GRIK1: variants seen among roughly 807,000 people sequenced by gnomAD.
The protein encoded by GRIK1 is glutamate ionotropic receptor kainate type subunit 1, also known as glutamate receptor ionotropic, kainate 1.
In GRIK1, 69 loss-of-function variants were observed where a neutral mutation model predicts 105.7. The ratio of observed to expected loss-of-function variants is 0.65; its 90% CI spans 0.54 to 0.80. The LOEUF (loss-of-function observed/expected upper bound fraction) is 0.80, where lower values mean the gene tolerates loss of function less well. Ranked by LOEUF, GRIK1 falls within the 30% of genes least tolerant of loss-of-function variation. The pLI is 0.00. For missense variants in GRIK1, 1,109 were observed against 1,167.3 expected, an observed-to-expected ratio of 0.95 and a Z score of 0.73; for synonymous variants, 438 against 431.3, an observed-to-expected ratio of 1.02 and a Z score of -0.19.
At chr21:29,914,304 T>C (rs1387314130) in intron 1 of GRIK1, among the ~76,000 whole-genome samples, 4 of 152,050 alleles carry the variant, frequency 2.6e-5, no homozygotes, top group Non-Finnish European at 5.9e-5. Context: ...GGAATTATTC[T>C]AGGGAACACT....
chr21:29,560,356 TTTTTCTTTCTTCCTTCCTTCCTTCCTTC>T (rs2090389040), intron 15 of GRIK1, among the ~76,000 whole-genome samples: 7 of 71,802 alleles, frequency 9.7e-5, no homozygotes, highest in African/African-American at 3.3e-4. Flanking sequence ...TCTTTCTTTC[TTTTTCTTTCTTCCTTCCTTCCTTCCTTC>T]CTTCCTTCCT....
In GRIK1 at chr21:29,749,596, A is replaced by G. The variant is rs1428088484; in HGVS notation, c.119-55533T>C. ...CCTCCTCTTCTGTACCATTTCTGCC[A>G]CATTTGGGTCTTTATCAGCAGGAGA... On this transcript the variant is annotated intron_variant, in intron 1 of 17. Transcript: ENST00000327783. Among the ~76,000 whole-genome samples, 4 of 152,352 alleles carry G rather than the reference A, an allele frequency of 2.6e-5. No individual in the cohort carries two copies. In the East Asian group the frequency reaches 5.8e-4, roughly 22 times the overall value.
intron 3 of GRIK1, among the ~76,000 whole-genome samples, chr21:29,687,321 T>A (rs2063503905): frequency 6.6e-6 from 1 of 152,148 alleles, no homozygotes; most frequent in Non-Finnish European, 1.5e-5. Context: ...AGTCCTTTCT[T>A]TTCCTTTAGG....
rs750053758 is a variant in GRIK1, at chr21:29,587,493, G to A, written c.1666C>T (p.Leu556Phe). 5.0e-6 allele frequency: 8 copies of A among 1,612,826 alleles called. No individual in the cohort carries two copies. Among genetic ancestry groups the A allele is most frequent in the Non-Finnish European group, 1.7e-6 (2 of 1,178,788 alleles). The change falls in exon 12 of 18, where the codon CTC (leucine) becomes TTC (phenylalanine). Residue 556 changes from leucine to phenylalanine, a missense_variant. Transcript: ENST00000327783. ...TTGGTACCATTGGGCTTCCGGTAGAGAATGCTGATGCCTAGGGTCATGAAG... is the reference window on the plus strand; with the variant it reads ...TTGGTACCATTGGGCTTCCGGTAGAAAATGCTGATGCCTAGGGTCATGAAG... ...KPFMTLGISI[L>F]YRKPNGTNPG...
At chr21:29,627,267 T>C (rs781546838) in intron 7 of GRIK1, among the ~76,000 whole-genome samples, 1 of 152,238 alleles carries the variant, frequency 6.6e-6, no homozygotes, top group African/African-American at 2.4e-5. Context: ...GGAAAGTATT[T>C]TACTTACGTT....
At chr21:29,631,175 G>A (rs1314901297) in intron 7 of GRIK1, among the ~76,000 whole-genome samples, 1 of 152,142 alleles carries the variant, frequency 6.6e-6, no homozygotes, top group Non-Finnish European at 1.5e-5. Context: ...ATGCATACAA[G>A]CAGCAGTCCT....
intron 1 of GRIK1, among the ~76,000 whole-genome samples, chr21:29,918,188 G>C (rs1228609017): frequency 6.6e-6 from 1 of 151,938 alleles, no homozygotes; most frequent in Non-Finnish European, 1.5e-5. Flanking sequence ...GAATTACTAA[G>C]AAAATTTTAA....
chr21:29,726,754 A>T (rs1447314407), intron 1 of GRIK1, among the ~76,000 whole-genome samples: 7 of 151,860 alleles, frequency 4.6e-5, no homozygotes, highest in East Asian at 1.9e-4. Flanking sequence ...CATTTAAATT[A>T]TTGTTTACAA....
chr21:29,609,384 T>C (rs117189467), intron 7 of GRIK1, among the ~76,000 whole-genome samples: 1,865 of 152,294 alleles, frequency 0.012, 25 homozygotes, highest in Middle Eastern at 0.044. Context: ...AACCAGGCTA[T>C]AGTTGAATAA....
At position 29,577,073 on chromosome 21, in the gene GRIK1, A is replaced by T; in HGVS notation, c.2021T>A (p.Leu674Ter). 6.2e-7 allele frequency: 1 copy of T among 1,613,006 alleles called. No homozygotes were observed. Among genetic ancestry groups the T allele is most frequent in the Non-Finnish European group, 8.5e-7 (1 of 1,179,040 alleles). ...GGGGGATTCCATTCTCTCTACTGTC[A>T]AGAAGGCAGCCAGATTGGCCGTGTA... ...SSYTANLAAF[L>*]TVERMESPID... The change falls in exon 14 of 18, where the codon TTG becomes TAG. Residue 674 changes from leucine to a stop codon, truncating the protein, a stop_gained. Transcript: ENST00000327783. LOFTEE classifies it high-confidence loss of function.
intron 8 of GRIK1, among the ~76,000 whole-genome samples, chr21:29,597,900 C>T (rs758516744): frequency 6.1e-4 from 93 of 151,966 alleles, no homozygotes; most frequent in Non-Finnish European, 1.1e-3. Flanking sequence ...GAAATGAAAA[C>T]CTTACCTCAT....
chr21:29,634,741 A>G (rs771454443), intron 7 of GRIK1, among the ~76,000 whole-genome samples: 8 of 152,170 alleles, frequency 5.3e-5, no homozygotes, highest in Non-Finnish European at 8.8e-5. Context: ...AGAAATTCTA[A>G]GAGTTGGTCT....
chr21:29,560,519 CCTTTCTTT>C (rs1201508832), intron 15 of GRIK1, among the ~76,000 whole-genome samples: 22 of 57,814 alleles, frequency 3.8e-4, no homozygotes, highest in Non-Finnish European at 6.4e-4. Flanking sequence ...TTCCTTCCTT[CCTTTCTTT>C]CTTTCTTTCT....
intron 12 of GRIK1, among the ~76,000 whole-genome samples, chr21:29,584,701 A>G (rs890674997): frequency 7.2e-5 from 11 of 152,194 alleles, no homozygotes; most frequent in African/African-American, 1.7e-4. Context: ...CACAACATAA[A>G]TTCCAAAGTC....
intron 16 of GRIK1, among the ~76,000 whole-genome samples, chr21:29,550,239 T>C (rs1272323193): frequency 6.6e-6 from 1 of 152,096 alleles, no homozygotes; most frequent in Non-Finnish European, 1.5e-5. Flanking sequence ...CTCTATAGTT[T>C]TAAAACTAAT....
chr21:29,551,504 C>A (rs2090134998), intron 16 of GRIK1, among the ~76,000 whole-genome samples: 1 of 152,134 alleles, frequency 6.6e-6, no homozygotes, highest in Admixed American at 6.5e-5. Flanking sequence ...ATATCTACTT[C>A]TCTGTTAGTA....
intron 1 of GRIK1, among the ~76,000 whole-genome samples, chr21:29,833,145 A>G (rs73343704): frequency 0.018 from 2,671 of 152,272 alleles, 79 homozygotes; most frequent in African/African-American, 0.062. Context: ...TTACTTCCTG[A>G]TAAGTTCCTC....
intron 1 of GRIK1, among the ~76,000 whole-genome samples, chr21:29,737,108 C>A (rs912518662): frequency 6.6e-6 from 1 of 152,104 alleles, no homozygotes; most frequent in Non-Finnish European, 1.5e-5. Flanking sequence ...ATATGAAAGT[C>A]ACCTATGCTT....
chr21:29,869,279 G>A (rs139139237), intron 1 of GRIK1, among the ~76,000 whole-genome samples: 1,632 of 152,290 alleles, frequency 0.011, 12 homozygotes, highest in Non-Finnish European at 0.017. Flanking sequence ...TGCCAAGGCA[G>A]TCCTGGAGGG....
Sources: gnomAD v4.1 joint callset for allele counts (sites outside exome capture counted in the v4.1 genomes callset) on GRCh38, gnomAD v4.1.1 for gene constraint, MANE v1.5 for transcripts, NCBI Gene and HGNC (gene_info 2026-07-23, HGNC 2026-07-21) for gene names.